The following ZDHHC14 variants were observed in gnomAD, a reference collection of about 807,000 sequenced individuals.
ZDHHC14 encodes the protein palmitoyltransferase ZDHHC14.
In ZDHHC14, 16 loss-of-function variants were observed where a neutral mutation model predicts 47.7. The ratio of observed to expected loss-of-function variants is 0.34; its 90% CI spans 0.23 to 0.51. ZDHHC14 has a LOEUF of 0.51. Ranked by LOEUF, ZDHHC14 falls within the 20% of genes least tolerant of loss-of-function variation. ZDHHC14 has a pLI of 0.97. For missense variants in ZDHHC14, 515 were observed against 662.5 expected, an observed-to-expected ratio of 0.78 and a Z score of 2.44; for synonymous variants, 293 against 278.9, an observed-to-expected ratio of 1.05 and a Z score of -0.50.
chr6:157,397,424 A>G (rs939904533), intron 1 of ZDHHC14, among the ~76,000 whole-genome samples: 2 of 152,114 alleles, frequency 1.3e-5, no homozygotes, highest in African/African-American at 4.8e-5. Context: ...TGTAGGGGAA[A>G]TTCTCTTTCC....
At chr6:157,546,995 G>A (rs112637504) in intron 2 of ZDHHC14, among the ~76,000 whole-genome samples, 1 of 152,222 alleles carries the variant, frequency 6.6e-6, no homozygotes, top group African/African-American at 2.4e-5. Flanking sequence ...CAGTAACCCA[G>A]ATACCATATA....
chr6:157,393,943 C>T (rs1404831279), intron 1 of ZDHHC14, among the ~76,000 whole-genome samples: 3 of 152,148 alleles, frequency 2.0e-5, no homozygotes, highest in South Asian at 2.1e-4. Flanking sequence ...GTGTCTCTGT[C>T]CCCTGCTTAG....
At chr6:157,577,883 G>A (rs2114868089) in intron 2 of ZDHHC14, among the ~76,000 whole-genome samples, 1 of 152,272 alleles carries the variant, frequency 6.6e-6, no homozygotes, top group Middle Eastern at 3.4e-3. Context: ...TTTAATAATA[G>A]CCATTCTGCT....
At chr6:157,446,280 CT>C (rs1778665708) in intron 1 of ZDHHC14, among the ~76,000 whole-genome samples, 1 of 152,210 alleles carries the variant, frequency 6.6e-6, no homozygotes, top group Non-Finnish European at 1.5e-5. Flanking sequence ...CCATTTGCCC[CT>C]CTCGAGCCTT....
chr6:157,588,276 T>C (rs1209291841), intron 2 of ZDHHC14, among the ~76,000 whole-genome samples: 1 of 150,784 alleles, frequency 6.6e-6, no homozygotes, highest in Non-Finnish European at 1.5e-5. Context: ...TAAATAAATA[T>C]ATAAATAAAT....
At chr6:157,422,311 CA>C (rs1015660220) in intron 1 of ZDHHC14, among the ~76,000 whole-genome samples, 15 of 152,078 alleles carry the variant, frequency 9.9e-5, no homozygotes, top group Non-Finnish European at 2.1e-4. Context: ...AGAAACAATG[CA>C]AATTGTATTT....
rs189259807 is a variant in ZDHHC14 at position 157,599,385 on chromosome 6, G to A, written c.565+6239G>A. Among the ~76,000 whole-genome samples, 1,129 of 152,274 alleles carry A rather than the reference G, an allele frequency of 7.4e-3. 4 individuals are homozygous for A. The highest frequency in any genetic ancestry group is 0.014 in the Middle Eastern group (4 of 294). ...AGTTCCCTCTGCTGCAGCTCTCGAC[G>A]AAACTCTGACTGTCTTCAAAGACCA... On this transcript the variant is annotated intron_variant, in intron 3 of 8. Coordinates refer to ENST00000359775, the MANE Select transcript of ZDHHC14 (RefSeq NM_024630.3).
chr6:157,386,066 A>G (rs1045635519), intron 1 of ZDHHC14, among the ~76,000 whole-genome samples: 9 of 152,198 alleles, frequency 5.9e-5, no homozygotes, highest in Non-Finnish European at 1.3e-4. Context: ...GGCTCAATAA[A>G]TGGTTCATAT....
At chr6:157,382,397 T>A (rs1257926035) in intron 1 of ZDHHC14, 131 bp downstream of exon 1, 1 of 1,123,592 alleles carries the variant, frequency 8.9e-7, no homozygotes, top group East Asian at 2.8e-5. Context: ...CAGTCTGCGC[T>A]CCCTCTTTTT....
chr6:157,647,427 C>CTGTGCTAACGGCCGAG, intron 7 of ZDHHC14, 59 bp downstream of exon 7: 1 of 1,406,228 alleles, frequency 7.1e-7, no homozygotes, highest in Non-Finnish European at 9.9e-7. Flanking sequence ...ATGCCTCGGC[C>CTGTGCTAACGGCCGAG]GTTAGCACAG....
At chr6:157,551,304 C>A (rs968035336) in intron 2 of ZDHHC14, among the ~76,000 whole-genome samples, 1 of 152,140 alleles carries the variant, frequency 6.6e-6, no homozygotes, top group Non-Finnish European at 1.5e-5. Context: ...ATGGAGGTCA[C>A]CCTGGACAAC....
At chr6:157,452,583 A>G (rs141049367) in intron 1 of ZDHHC14, among the ~76,000 whole-genome samples, 186 of 151,640 alleles carry the variant, frequency 1.2e-3, no homozygotes, top group African/African-American at 4.2e-3. Context: ...AGAGCTTATG[A>G]TATCTTAATT....
chr6:157,556,168 A>G (rs916553538), intron 2 of ZDHHC14, among the ~76,000 whole-genome samples: 5 of 140,610 alleles, frequency 3.6e-5, no homozygotes, highest in African/African-American at 1.0e-4. Flanking sequence ...TAATTAGTGG[A>G]TTTGGTTCGT....
chr6:157,473,051 A>G (rs373785174), intron 1 of ZDHHC14, among the ~76,000 whole-genome samples: 2 of 152,232 alleles, frequency 1.3e-5, no homozygotes. Flanking sequence ...TAATGAACAA[A>G]ACTGTGTATA....
intron 1 of ZDHHC14, among the ~76,000 whole-genome samples, chr6:157,508,734 C>T (rs1316479047): frequency 6.6e-6 from 1 of 152,074 alleles, no homozygotes; most frequent in African/African-American, 2.4e-5. Flanking sequence ...ATCTCTTGAT[C>T]TTTTTGTTGC....
rs913486643 is a variant in ZDHHC14, at chr6:157,586,637, C to T, written c.407-6351C>T. ...AGACGGGCTCAAGACTTGCTGTGCT[C>T]ATCAGACAGCCCAGCAGAGCCCTCC... On this transcript the variant is annotated intron_variant, in intron 2 of 8. Transcript: ENST00000359775. The surrounding 1 kb of genome is among the most constrained non-coding windows in gnomAD (Gnocchi z 4.6). Among the ~76,000 whole-genome samples the T allele has an allele frequency of 2.0e-5, 3 of 152,146 alleles. No homozygotes were observed. Among genetic ancestry groups the T allele is most frequent in the African/African-American group, 4.8e-5 (2 of 41,422 alleles).
chr6:157,623,471 C>T (rs1284232656), intron 3 of ZDHHC14, among the ~76,000 whole-genome samples: 1 of 152,004 alleles, frequency 6.6e-6, no homozygotes, highest in Non-Finnish European at 1.5e-5. Context: ...TCGATTAAAC[C>T]TCTTTCCTTT....
At chr6:157,491,071 T>A (rs1583702021) in intron 1 of ZDHHC14, among the ~76,000 whole-genome samples, 1 of 152,094 alleles carries the variant, frequency 6.6e-6, no homozygotes, top group South Asian at 2.1e-4. Flanking sequence ...ATGGGCAAGG[T>A]GCCGTTTCCC....
chr6:157,523,358 ACTCTT>A (rs1297031924), intron 1 of ZDHHC14, among the ~76,000 whole-genome samples: 4 of 151,894 alleles, frequency 2.6e-5, no homozygotes, highest in Admixed American at 6.6e-5. Context: ...TAATGAAAGC[ACTCTT>A]CTCTTCAGCC....
Sources: allele counts gnomAD v4.1 joint callset (sites outside exome capture counted in the v4.1 genomes callset), GRCh38; gene constraint gnomAD v4.1.1; non-coding constraint Gnocchi (gnomAD v3.1); transcripts MANE v1.5; gene names NCBI Gene and HGNC (gene_info 2026-07-23, HGNC 2026-07-21).